XPO6: variants seen among roughly 807,000 people sequenced by gnomAD.
XPO6 encodes exportin 6.
XPO6 carries 3 observed loss-of-function variants against 130.0 expected under a neutral mutation model. The observed-to-expected ratio is 0.02, with a 90% CI of 0.01 to 0.06. The LOEUF (loss-of-function observed/expected upper bound fraction) is 0.06. XPO6 is among the 10% of genes least tolerant of loss of function. The pLI is 1.00. For synonymous variants in XPO6, 524 were observed against 548.9 expected (o/e 0.95, Z 0.63); for missense variants, 970 against 1,393.0 (o/e 0.70, Z 4.83).
At position 28,098,558 on chromosome 16, in the gene XPO6, G is replaced by A. The variant is rs1454796406; in HGVS notation, c.3358C>T (p.Pro1120Ser). 1.2e-6 allele frequency: 2 copies of A among 1,612,438 alleles called. No individual in the cohort carries two copies. The highest frequency in any genetic ancestry group is 1.3e-5 in the African/African-American group (1 of 75,026). The change falls in exon 24 of 24, where the codon CCT becomes TCT. Residue 1120 changes from proline to serine, a missense_variant. By Grantham distance (74) the Pro-to-Ser change is moderately conservative. Around this residue, in one of 4 missense-constraint regions of XPO6, gnomAD observed 936 missense variants for 1,306.8 expected, o/e 0.72. Coordinates refer to ENST00000304658, the MANE Select transcript of XPO6 (RefSeq NM_015171.4). ...YYRLCNDSLP[P>S]GTVKL ...CAGGCCTAGAGCTTCACAGTGCCAGGGGGCAGGCTGTCGTTGCAGAGTCTG... is the reference window on the plus strand; with the variant it reads ...CAGGCCTAGAGCTTCACAGTGCCAGAGGGCAGGCTGTCGTTGCAGAGTCTG...
chr16:28,188,531 A>T (rs746617827), intron 1 of XPO6, among the ~76,000 whole-genome samples: 17 of 152,144 alleles, frequency 1.1e-4, no homozygotes, highest in South Asian at 8.3e-4. Flanking sequence ...AGTATGCAAA[A>T]CATATCCGGT....
chr16:28,128,196 C>T (rs779321818), intron 12 of XPO6, among the ~76,000 whole-genome samples: 22 of 152,170 alleles, frequency 1.4e-4, no homozygotes, highest in Non-Finnish European at 2.8e-4. Context: ...CAACCAACTC[C>T]CAGGGTTGAC....
chr16:28,109,036 G>GA (rs2086852240), intron 17 of XPO6, among the ~76,000 whole-genome samples: 1 of 152,200 alleles, frequency 6.6e-6, no homozygotes, highest in Non-Finnish European at 1.5e-5. Flanking sequence ...ACTCAGCTAG[G>GA]AAACTGCACT....
intron 1 of XPO6, among the ~76,000 whole-genome samples, chr16:28,193,529 CTA>C: frequency 6.6e-6 from 1 of 152,166 alleles, no homozygotes; most frequent in South Asian, 2.1e-4. Context: ...AATACTGGAA[CTA>C]TACACAGTTC....
intron 7 of XPO6, chr16:28,154,660 G>A (rs2043154615): frequency 6.6e-6 from 1 of 152,122 alleles, no homozygotes; most frequent in African/African-American, 2.4e-5. Context: ...AAAACCAAGA[G>A]CACAAAAGTT....
chr16:28,148,449 T>G (rs1461903088), intron 8 of XPO6, among the ~76,000 whole-genome samples: 1 of 152,174 alleles, frequency 6.6e-6, no homozygotes, highest in Admixed American at 6.5e-5. Context: ...TCGCCTAACT[T>G]TTCAAAACCT....
At chr16:28,114,352 A>C (rs1433104660) in intron 15 of XPO6, among the ~76,000 whole-genome samples, 1 of 152,220 alleles carries the variant, frequency 6.6e-6, no homozygotes, top group East Asian at 1.9e-4. Context: ...AAGAGAAAAA[A>C]GTCTGGAAGG....
chr16:28,147,614 G>T (rs2043008363), intron 8 of XPO6, among the ~76,000 whole-genome samples: 1 of 152,082 alleles, frequency 6.6e-6, no homozygotes, highest in Non-Finnish European at 1.5e-5. Context: ...AAGTGAACCA[G>T]GAGAATAACC....
At chr16:28,174,088 GTTACCA>G (rs1184153612) in intron 4 of XPO6, among the ~76,000 whole-genome samples, 1 of 152,086 alleles carries the variant, frequency 6.6e-6, no homozygotes, top group Non-Finnish European at 1.5e-5. Context: ...CTTGGAGAGG[GTTACCA>G]TAACCGTCCT....
intron 23 of XPO6, among the ~76,000 whole-genome samples, chr16:28,099,994 A>AT (rs556338887): frequency 0.046 from 6,794 of 148,814 alleles, 481 homozygotes; most frequent in African/African-American, 0.15. Context: ...ATATAACTAG[A>AT]TTTTTTTTTT....
At chr16:28,206,327 G>A (rs370578598) in intron 1 of XPO6, among the ~76,000 whole-genome samples, 16 of 152,054 alleles carry the variant, frequency 1.1e-4, no homozygotes, top group African/African-American at 3.4e-4. Flanking sequence ...GACTGCTTGA[G>A]ATCAGAAGTT....
chr16:28,186,974 G>T (rs1423158152), intron 1 of XPO6, among the ~76,000 whole-genome samples: 2 of 152,158 alleles, frequency 1.3e-5, no homozygotes, highest in Non-Finnish European at 2.9e-5. Context: ...GAGTAAGACG[G>T]TCCCTAACTT....
At chr16:28,123,053 T>A (rs1201592990) in intron 13 of XPO6, among the ~76,000 whole-genome samples, 1 of 152,058 alleles carries the variant, frequency 6.6e-6, no homozygotes, top group African/African-American at 2.4e-5. Flanking sequence ...AATAGCTCTA[T>A]CTAGTAGGAA....
At chr16:28,133,333 C>A (rs989724967) in intron 11 of XPO6, among the ~76,000 whole-genome samples, 1 of 139,172 alleles carries the variant, frequency 7.2e-6, no homozygotes, top group Non-Finnish European at 1.6e-5. Context: ...CGTGAGACTC[C>A]GTCTCAAAAA....
chr16:28,188,852 T>G (rs75661432), intron 1 of XPO6, among the ~76,000 whole-genome samples: 1 of 152,080 alleles, frequency 6.6e-6, no homozygotes, highest in African/African-American at 2.4e-5. Flanking sequence ...GCTAGAAAAG[T>G]GCATCAAGGA....
At chr16:28,154,213 A>T in intron 7 of XPO6, 1 of 969,170 alleles carries the variant, frequency 1.0e-6, no homozygotes, top group Non-Finnish European at 1.2e-6. Context: ...CACCCAGCTG[A>T]CTGTTCTTTA....
At chr16:28,159,746 G>A (rs1208340752) in intron 6 of XPO6, among the ~76,000 whole-genome samples, 1 of 152,104 alleles carries the variant, frequency 6.6e-6, no homozygotes, top group Admixed American at 6.5e-5. Flanking sequence ...GGGGGGAGGT[G>A]ATACATAAAA....
chr16:28,191,054 ACCTT>A, intron 1 of XPO6, among the ~76,000 whole-genome samples: 2 of 152,210 alleles, frequency 1.3e-5, no homozygotes, highest in African/African-American at 4.8e-5. Flanking sequence ...GGTACCCTCT[ACCTT>A]GCCCCTGGCT....
intron 2 of XPO6, among the ~76,000 whole-genome samples, chr16:28,177,738 G>A (rs888614788): frequency 2.6e-5 from 4 of 152,132 alleles, no homozygotes; most frequent in African/African-American, 9.7e-5. Context: ...ATCTTCAGTG[G>A]AGCCTACATT....
Sources: gnomAD v4.1 joint callset for allele counts (sites outside exome capture counted in the v4.1 genomes callset) on GRCh38, gnomAD v4.1.1 for gene constraint, gnomAD v4.1.1 regional missense constraint, MANE v1.5 for transcripts, NCBI Gene and HGNC (gene_info 2026-07-23, HGNC 2026-07-21) for gene names.